The following LRRC4C variants were observed in gnomAD, a reference collection of about 807,000 sequenced individuals.
The protein encoded by LRRC4C is leucine-rich repeat-containing protein 4C.
Under a neutral mutation model 33.6 loss-of-function variants are expected in LRRC4C, and 5 were observed. The ratio of observed to expected loss-of-function variants is 0.15; its 90% CI spans 0.08 to 0.31. LRRC4C has a LOEUF of 0.31. LRRC4C is among the 10% of genes least tolerant of loss of function. The probability of loss-of-function intolerance (pLI) is 1.00; values close to 1 mark genes in which losing one functional copy is unlikely to be tolerated. For synonymous variants in LRRC4C, 329 were observed against 302.0 expected (o/e 1.09, Z -0.93); for missense variants, 560 against 796.7 (o/e 0.70, Z 3.58).
intron 2 of LRRC4C, among the ~76,000 whole-genome samples, chr11:40,652,067 G>T (rs1403140623): frequency 1.3e-5 from 2 of 152,078 alleles, no homozygotes; most frequent in Admixed American, 6.5e-5. Context: ...TACAGAAAAG[G>T]CTTAGCAGGG....
chr11:40,984,393 AAG>A (rs1852816488), intron 1 of LRRC4C, among the ~76,000 whole-genome samples: 2 of 88,258 alleles, frequency 2.3e-5, no homozygotes, highest in Admixed American at 2.2e-4. Flanking sequence ...GAAAGAAAGA[AAG>A]AAAGAAAGAA....
intron 1 of LRRC4C, among the ~76,000 whole-genome samples, chr11:41,314,317 A>G (rs1950723069): frequency 6.6e-6 from 1 of 152,202 alleles, no homozygotes; most frequent in African/African-American, 2.4e-5. Context: ...AGGAATAGTG[A>G]AATAACTGTT....
At chr11:41,186,460 T>C (rs1945699429) in intron 1 of LRRC4C, among the ~76,000 whole-genome samples, 1 of 152,200 alleles carries the variant, frequency 6.6e-6, no homozygotes, top group South Asian at 2.1e-4. Flanking sequence ...AACTTGAAAG[T>C]GAAAGGAATT....
At chr11:41,375,914 G>A (rs566060865) in intron 1 of LRRC4C, among the ~76,000 whole-genome samples, 109 of 151,966 alleles carry the variant, frequency 7.2e-4, no homozygotes, top group African/African-American at 2.4e-3. Flanking sequence ...TTAGTATGGC[G>A]TTCACACTAA....
intron 1 of LRRC4C, among the ~76,000 whole-genome samples, chr11:41,445,840 C>T (rs1955803866): frequency 2.6e-5 from 3 of 114,460 alleles, no homozygotes; most frequent in Admixed American, 1.8e-4. Flanking sequence ...AGAGGGAATC[C>T]ACAGTGTGTA....
At chr11:41,405,782 G>T (rs920119886) in intron 1 of LRRC4C, among the ~76,000 whole-genome samples, 7 of 152,020 alleles carry the variant, frequency 4.6e-5, no homozygotes, top group Admixed American at 3.9e-4. Context: ...GATGCTTTAA[G>T]TTATTGTATT....
chr11:40,720,720 C>T (rs1029869100), intron 2 of LRRC4C, among the ~76,000 whole-genome samples: 1 of 152,268 alleles, frequency 6.6e-6, no homozygotes, highest in East Asian at 1.9e-4. Context: ...TACGATTAGA[C>T]TCTTTCTATT....
At chr11:40,511,776 T>G (rs563748704) in intron 3 of LRRC4C, among the ~76,000 whole-genome samples, 1 of 152,232 alleles carries the variant, frequency 6.6e-6, no homozygotes, top group Non-Finnish European at 1.5e-5. Flanking sequence ...CTGAAAAAGT[T>G]TCTGGAGACC....
chr11:40,929,185 A>G (rs1378622098), intron 2 of LRRC4C, among the ~76,000 whole-genome samples: 1 of 152,196 alleles, frequency 6.6e-6, no homozygotes, highest in Non-Finnish European at 1.5e-5. Flanking sequence ...TATTTGACCT[A>G]CTGGATGCCA....
intron 5 of LRRC4C, among the ~76,000 whole-genome samples, chr11:40,158,460 T>C (rs1386706218): frequency 2.0e-5 from 3 of 151,974 alleles, no homozygotes; most frequent in Non-Finnish European, 4.4e-5. Flanking sequence ...TTCAGTTTAA[T>C]AATTATGGTA....
intron 1 of LRRC4C, among the ~76,000 whole-genome samples, chr11:41,193,430 C>T (rs1248769078): frequency 6.6e-6 from 1 of 152,048 alleles, no homozygotes; most frequent in Non-Finnish European, 1.5e-5. Context: ...ATAGACCAAG[C>T]ATCATGAAAC....
At chr11:41,434,933 G>A (rs182685496) in intron 1 of LRRC4C, among the ~76,000 whole-genome samples, 14 of 152,140 alleles carry the variant, frequency 9.2e-5, no homozygotes, top group Admixed American at 6.6e-5. Context: ...GTGAGGGAAA[G>A]GAGCAGTATC....
intron 1 of LRRC4C, among the ~76,000 whole-genome samples, chr11:41,325,677 C>G (rs1951095782): frequency 7.0e-6 from 1 of 143,490 alleles, no homozygotes; most frequent in Non-Finnish European, 1.5e-5. Context: ...ACTGCAAAAA[C>G]AACAACAACA....
At chr11:40,166,361 C>G (rs1388419843) in intron 5 of LRRC4C, among the ~76,000 whole-genome samples, 1 of 152,116 alleles carries the variant, frequency 6.6e-6, no homozygotes, top group Non-Finnish European at 1.5e-5. Flanking sequence ...AAAGAAATCT[C>G]ATATAATTTA....
At chr11:41,182,414 A>G (rs1945492929) in intron 1 of LRRC4C, among the ~76,000 whole-genome samples, 1 of 152,184 alleles carries the variant, frequency 6.6e-6, no homozygotes, top group South Asian at 2.1e-4. Context: ...ACTGTATACT[A>G]TGGATTGAAG....
chr11:40,723,605 G>A (rs1947138098), intron 2 of LRRC4C, among the ~76,000 whole-genome samples: 1 of 152,108 alleles, frequency 6.6e-6, no homozygotes, highest in Non-Finnish European at 1.5e-5. Flanking sequence ...AGACACTTAA[G>A]GGATTTCTGA....
intron 1 of LRRC4C, among the ~76,000 whole-genome samples, chr11:41,221,530 C>T (rs575625008): frequency 1.9e-3 from 284 of 152,166 alleles, no homozygotes; most frequent in Non-Finnish European, 3.5e-3. Context: ...TACCATTTGA[C>T]CCAGCAATCC....
At chr11:41,345,215 T>C (rs141949240) in intron 1 of LRRC4C, among the ~76,000 whole-genome samples, 347 of 152,238 alleles carry the variant, frequency 2.3e-3, no homozygotes, top group African/African-American at 8.0e-3. Flanking sequence ...AGTAGGAAAT[T>C]TGACGGTCCT....
chr11:41,149,533 A>AAG (rs1943895639), intron 1 of LRRC4C, among the ~76,000 whole-genome samples: 3 of 150,634 alleles, frequency 2.0e-5, no homozygotes, highest in Non-Finnish European at 4.4e-5. Flanking sequence ...AAAAAAAAAA[A>AAG]GAAGGGCTGA....
Sources: allele counts gnomAD v4.1 joint callset (sites outside exome capture counted in the v4.1 genomes callset), GRCh38; gene constraint gnomAD v4.1.1; transcripts MANE v1.5; gene names NCBI Gene and HGNC (gene_info 2026-07-23, HGNC 2026-07-21).